Variants in TMEM45B observed in about 807,000 individuals in gnomAD.
TMEM45B encodes transmembrane protein 45B.
In TMEM45B, 29 loss-of-function variants were observed where a neutral mutation model predicts 27.3. That is an observed-to-expected ratio of 1.06 (90% confidence interval 0.79 to 1.45). TMEM45B has a LOEUF of 1.45. TMEM45B is among the 40% of genes most tolerant of loss of function. The pLI is 0.00. For synonymous variants in TMEM45B, 143 were observed against 134.7 expected (o/e 1.06, Z -0.43); for missense variants, 348 against 343.9 (o/e 1.01, Z -0.09).
chr11:129,820,801 TAGA>T (rs1947409682), intron 1 of TMEM45B, among the ~76,000 whole-genome samples: 1 of 152,222 alleles, frequency 6.6e-6, no homozygotes, highest in African/African-American at 2.4e-5. Flanking sequence ...TCGTTCATTG[TAGA>T]AGGTTTTCAT....
rs377270557 is a variant in TMEM45B, at chr11:129,858,028, A to AT, written c.717-540dup. 1.8e-3 allele frequency among the ~76,000 whole-genome samples: 267 copies of AT among 152,234 alleles called. 1 individual carries two copies. Among genetic ancestry groups the AT allele is most frequent in the African/African-American group, 5.9e-3 (243 of 41,526 alleles). ...ACTGCTTTATGAAGTATGCACTGTTATTTTTTACAGGTGGAGAAAACAAGG... is the reference window on the plus strand; with the variant it reads ...ACTGCTTTATGAAGTATGCACTGTTATTTTTTTACAGGTGGAGAAAACAAGG... On this transcript the variant is annotated intron_variant, in intron 5 of 5. Transcript: ENST00000281441.
At chr11:129,857,223 C>T (rs1171356759) in intron 4 of TMEM45B, 90 bp from the exon 5 acceptor site, 3 of 1,500,164 alleles carry the variant, frequency 2.0e-6, no homozygotes, top group Non-Finnish European at 1.8e-6. Flanking sequence ...GGTGGTCACA[C>T]ATGGGCCACT....
At position 129,854,855 on chromosome 11, in the gene TMEM45B, A is replaced by G. The variant is rs773115408; in HGVS notation, c.385+39A>G. ...ACGGATGGAGAGGAAGGAGAGCCTGACAAGTCATATTTATGAAGGATCAGA... is the reference window on the plus strand; with the variant it reads ...ACGGATGGAGAGGAAGGAGAGCCTGGCAAGTCATATTTATGAAGGATCAGA... On this transcript the variant is annotated intron_variant, in intron 3 of 5. Coordinates refer to ENST00000281441, the MANE Select transcript of TMEM45B (RefSeq NM_138788.5). 5.6e-6 allele frequency: 9 copies of G among 1,595,694 alleles called. No homozygotes were observed. The South Asian group carries it at 9.9e-5, about 18-fold the overall frequency.
chr11:129,819,190 C>T (rs1271487585), intron 1 of TMEM45B, among the ~76,000 whole-genome samples: 1 of 152,240 alleles, frequency 6.6e-6, no homozygotes, highest in African/African-American at 2.4e-5. Context: ...ATTCCTAGCA[C>T]AGTGCCCATA....
intron 1 of TMEM45B, among the ~76,000 whole-genome samples, chr11:129,821,370 T>G (rs1947417984): frequency 6.6e-6 from 1 of 152,126 alleles, no homozygotes; most frequent in African/African-American, 2.4e-5. Context: ...AAAGACAGAG[T>G]CTAGAACCTC....
At chr11:129,845,239 A>G (rs1947743098) in intron 1 of TMEM45B, among the ~76,000 whole-genome samples, 1 of 149,484 alleles carries the variant, frequency 6.7e-6, no homozygotes, top group African/African-American at 2.5e-5. Context: ...TAGTCCATTC[A>G]TATATATTAA....
chr11:129,857,436 G>C lies in TMEM45B; in HGVS notation c.694G>C (p.Val232Leu), dbSNP rs200543680. The C allele has an allele frequency of 6.2e-7, 1 of 1,614,132 alleles. No homozygotes were observed. Among genetic ancestry groups the C allele is most frequent in the South Asian group, 1.1e-5 (1 of 91,086 alleles). The change falls in exon 5 of 6, where the codon GTC becomes CTC. Residue 232 changes from valine (V) to leucine (L), a missense_variant. Physicochemically the swap from Val to Leu is conservative, Grantham distance 32 (BLOSUM62 1). Transcript: ENST00000281441. ...CCTGGCTGCCCTCAGCATTGTGGCC[G>C]TCAACTATTCTCTTGTTTACTGGTA... ...HYLAALSIVA[V>L]NYSLVYCLLT...
intron 1 of TMEM45B, among the ~76,000 whole-genome samples, chr11:129,817,980 G>A (rs551158907): frequency 3.2e-4 from 48 of 152,196 alleles, no homozygotes; most frequent in Non-Finnish European, 5.4e-4. Flanking sequence ...ATCAACTAAT[G>A]GTACTTATAG....
chr11:129,816,799 G>A (rs1392908825), intron 1 of TMEM45B, among the ~76,000 whole-genome samples: 2 of 143,546 alleles, frequency 1.4e-5, no homozygotes, highest in African/African-American at 2.6e-5. Flanking sequence ...GTGCAGTGGC[G>A]CAATCTCGGA....
At chr11:129,851,452 G>A (rs1018251403) in intron 1 of TMEM45B, among the ~76,000 whole-genome samples, 6 of 146,058 alleles carry the variant, frequency 4.1e-5, no homozygotes, top group Admixed American at 7.0e-5. Flanking sequence ...GCTGAGGCAG[G>A]AGAATCGCTT....
At chr11:129,843,590 A>C (rs1031612799) in intron 1 of TMEM45B, among the ~76,000 whole-genome samples, 12 of 148,658 alleles carry the variant, frequency 8.1e-5, no homozygotes, top group Non-Finnish European at 1.5e-4. Context: ...GTAGGCAATA[A>C]ATTTTCTGCT....
chr11:129,825,331 G>C (rs1343194013), intron 1 of TMEM45B, among the ~76,000 whole-genome samples: 1 of 152,136 alleles, frequency 6.6e-6, no homozygotes, highest in Non-Finnish European at 1.5e-5. Flanking sequence ...CAAGATTCTG[G>C]CTTTCTGGGT....
intron 1 of TMEM45B, among the ~76,000 whole-genome samples, chr11:129,817,231 T>C (rs910554797): frequency 2.6e-5 from 4 of 152,264 alleles, no homozygotes; most frequent in East Asian, 1.9e-4. Flanking sequence ...GAGAGACGTG[T>C]ACTGTTTTTA....
At chr11:129,841,592 GT>G (rs567723417) in intron 1 of TMEM45B, among the ~76,000 whole-genome samples, 246 of 124,592 alleles carry the variant, frequency 2.0e-3, no homozygotes, top group Admixed American at 3.0e-3. Flanking sequence ...TTGTTTTTTT[GT>G]TTTTTTTTTT....
At chr11:129,853,342 C>A (rs1443396092) in intron 2 of TMEM45B, among the ~76,000 whole-genome samples, 2 of 152,234 alleles carry the variant, frequency 1.3e-5, no homozygotes, top group Admixed American at 6.5e-5. Flanking sequence ...AATGAGGGGT[C>A]TTAATCTGCA....
intron 1 of TMEM45B, among the ~76,000 whole-genome samples, chr11:129,833,133 G>A (rs1565365751): frequency 6.6e-6 from 1 of 151,974 alleles, no homozygotes; most frequent in East Asian, 1.9e-4. Context: ...CCAGCTACTT[G>A]GGAGGCTGAG....
At chr11:129,848,484 G>A (rs1376402184) in intron 1 of TMEM45B, among the ~76,000 whole-genome samples, 1 of 151,902 alleles carries the variant, frequency 6.6e-6, no homozygotes, top group African/African-American at 2.4e-5. Flanking sequence ...CTTCGGCTCG[G>A]CATGAAAGGG....
rs180848108 is a variant in TMEM45B at position 129,859,859 on chromosome 11, A to C, written c.*1174A>C. 1 of 152,600 alleles carries C rather than the reference A, an allele frequency of 6.6e-6. No individual in the cohort carries two copies. Among genetic ancestry groups the C allele is most frequent in the East Asian group, 1.9e-4 (1 of 5,172 alleles). The allele number at this position is 152,600 out of a possible 1,614,324, so 9.5% of individuals were successfully genotyped here. ...GACTTCCTTCAACAAATATTTATTAAATATCCACTTTGCAACAGCACTGAA... is the reference window on the plus strand; with the variant it reads ...GACTTCCTTCAACAAATATTTATTACATATCCACTTTGCAACAGCACTGAA... On this transcript the variant is annotated 3_prime_UTR_variant, in exon 6 of 6. Coordinates refer to ENST00000281441, the MANE Select transcript of TMEM45B (RefSeq NM_138788.5).
intron 1 of TMEM45B, among the ~76,000 whole-genome samples, chr11:129,845,944 G>A (rs1440719744): frequency 6.6e-6 from 1 of 152,160 alleles, no homozygotes; most frequent in Admixed American, 6.5e-5. Context: ...TTGTAAGATG[G>A]TGCAGAATGC....
Sources: allele counts gnomAD v4.1 joint callset (sites outside exome capture counted in the v4.1 genomes callset), GRCh38; gene constraint gnomAD v4.1.1; transcripts MANE v1.5; gene names NCBI Gene and HGNC (gene_info 2026-07-23, HGNC 2026-07-21).